The following CSMD1 variants were observed in gnomAD, a reference collection of about 807,000 sequenced individuals.
CSMD1 encodes the protein CUB and Sushi multiple domains 1, also known as CUB and sushi domain-containing protein 1.
Under a neutral mutation model 417.5 loss-of-function variants are expected in CSMD1, and 213 were observed. The observed-to-expected ratio is 0.51, with a 90% confidence interval of 0.46 to 0.57. The LOEUF is 0.57. Among genes scored for constraint, CSMD1 ranks in the 20% least tolerant of loss-of-function variants. CSMD1 has a pLI of 0.00. For synonymous variants in CSMD1, 2,862 were observed against 1,736.8 expected (o/e 1.65, Z -16.11); for missense variants, 6,923 against 4,529.7 (o/e 1.53, Z -15.17).
At chr8:4,776,078 T>C (rs1445304978) in intron 1 of CSMD1, among the ~76,000 whole-genome samples, 3 of 151,968 alleles carry the variant, frequency 2.0e-5, no homozygotes, top group African/African-American at 7.3e-5. Context: ...TGTTTGGATC[T>C]CAGATTTGAA....
chr8:4,684,640 G>A (rs753179921), intron 1 of CSMD1, among the ~76,000 whole-genome samples: 30 of 152,148 alleles, frequency 2.0e-4, no homozygotes, highest in Admixed American at 1.3e-3. Flanking sequence ...TTAATTGAAT[G>A]TAAGGATTAT....
At chr8:3,287,726 T>C (rs1157809710) in intron 25 of CSMD1, among the ~76,000 whole-genome samples, 1 of 152,186 alleles carries the variant, frequency 6.6e-6, no homozygotes, top group Non-Finnish European at 1.5e-5. Context: ...GTTTTCTCCA[T>C]ATACAATCAC....
intron 1 of CSMD1, among the ~76,000 whole-genome samples, chr8:4,850,610 T>G (rs995113585): frequency 2.0e-5 from 3 of 151,978 alleles, no homozygotes; most frequent in African/African-American, 7.3e-5. Context: ...CCTCATCACT[T>G]AGTCTCTTTC....
chr8:4,760,226 T>C (rs985842966), intron 1 of CSMD1, among the ~76,000 whole-genome samples: 1 of 152,212 alleles, frequency 6.6e-6, no homozygotes, highest in Non-Finnish European at 1.5e-5. Flanking sequence ...TCTATTGTTA[T>C]ATGCACTATT....
intron 4 of CSMD1, among the ~76,000 whole-genome samples, chr8:4,015,175 T>C (rs1210213992): frequency 6.6e-6 from 1 of 152,234 alleles, no homozygotes; most frequent in Admixed American, 6.5e-5. Flanking sequence ...AACTGTCCCA[T>C]TCAGTCTTAC....
chr8:4,594,311 C>T (rs1178766038), intron 2 of CSMD1, among the ~76,000 whole-genome samples: 2 of 144,668 alleles, frequency 1.4e-5, no homozygotes, highest in Non-Finnish European at 3.0e-5. Flanking sequence ...TAAAGCGATT[C>T]TCCTGTCTTA....
intron 25 of CSMD1, among the ~76,000 whole-genome samples, chr8:3,288,231 C>G (rs180688770): frequency 2.0e-5 from 3 of 147,108 alleles, no homozygotes; most frequent in Non-Finnish European, 1.5e-5. Flanking sequence ...ATTTTTGCAT[C>G]GATGTTCATC....
chr8:3,788,852 A>G (rs1799581819), intron 5 of CSMD1, among the ~76,000 whole-genome samples: 1 of 152,228 alleles, frequency 6.6e-6, no homozygotes. Context: ...ATTCTGGGGT[A>G]GAAATTATGA....
At chr8:4,044,560 G>C (rs778522472) in intron 3 of CSMD1, among the ~76,000 whole-genome samples, 2 of 152,152 alleles carry the variant, frequency 1.3e-5, no homozygotes, top group African/African-American at 4.8e-5. Context: ...ATTCTACCAC[G>C]GCAGAGCTCG....
At chr8:3,911,013 T>G (rs936396370) in intron 5 of CSMD1, among the ~76,000 whole-genome samples, 1 of 152,182 alleles carries the variant, frequency 6.6e-6, no homozygotes, top group Non-Finnish European at 1.5e-5. Flanking sequence ...TCCTACTTAT[T>G]CAGGGGCTGC....
At chr8:3,046,410 G>A (rs77604486) in intron 50 of CSMD1, among the ~76,000 whole-genome samples, 2,114 of 152,272 alleles carry the variant, frequency 0.014, 17 homozygotes, top group South Asian at 0.029. Context: ...AATGTCCTAA[G>A]GCTCCAAACC....
At chr8:4,003,435 T>C (rs996433390) in intron 4 of CSMD1, among the ~76,000 whole-genome samples, 1 of 150,736 alleles carries the variant, frequency 6.6e-6, no homozygotes, top group Non-Finnish European at 1.5e-5. Flanking sequence ...AATAAATAAA[T>C]AAATAGATAA....
intron 5 of CSMD1, among the ~76,000 whole-genome samples, chr8:3,916,460 A>G (rs2948651): frequency 6.6e-6 from 1 of 152,154 alleles, no homozygotes; most frequent in East Asian, 1.9e-4. Flanking sequence ...GACATTACTT[A>G]TACATAAAGG....
At chr8:4,535,178 T>A (rs1797043194) in intron 2 of CSMD1, among the ~76,000 whole-genome samples, 1 of 152,322 alleles carries the variant, frequency 6.6e-6, no homozygotes, top group African/African-American at 2.4e-5. Context: ...ATAATCTATA[T>A]AAGGTATATA....
chr8:2,974,370 T>C lies in CSMD1; in HGVS notation c.8740+81A>G. On this transcript the variant is annotated intron_variant, in intron 56 of 69. Coordinates refer to ENST00000635120, the MANE Select transcript of CSMD1 (RefSeq NM_033225.6). The stretch of plus-strand genomic sequence containing the variant: ...AATTATAGGGCTTTTCAAATAACTG[T>C]AAATCATCATTATTTGAAATCACTA... 3 of 1,294,646 alleles carry C rather than the reference T, an allele frequency of 2.3e-6. No homozygotes were observed. The Admixed American group carries it at 8.2e-5, about 35-fold the overall frequency. 80.2% of individuals were successfully genotyped at this position (1,294,646 alleles called of 1,614,324 possible).
At chr8:4,712,606 C>G (rs1346433908) in intron 1 of CSMD1, among the ~76,000 whole-genome samples, 2 of 152,162 alleles carry the variant, frequency 1.3e-5, no homozygotes, top group African/African-American at 4.8e-5. Context: ...TATTTAAGAT[C>G]TAGGATTTGT....
intron 2 of CSMD1, among the ~76,000 whole-genome samples, chr8:4,438,022 A>G (rs926024254): frequency 9.9e-5 from 15 of 152,188 alleles, no homozygotes; most frequent in African/African-American, 3.6e-4. Flanking sequence ...AAAAGGGGGC[A>G]TGGAATACTT....
intron 49 of CSMD1, among the ~76,000 whole-genome samples, chr8:3,084,410 T>C (rs1809290): frequency 0.25 from 37,394 of 150,872 alleles, 4,984 homozygotes; most frequent in East Asian, 0.35. Flanking sequence ...GTAATCCCAG[T>C]TACTTGGGAG....
chr8:2,999,446 G>A (rs894709322), intron 53 of CSMD1, among the ~76,000 whole-genome samples: 28 of 151,998 alleles, frequency 1.8e-4, no homozygotes, highest in African/African-American at 6.5e-4. Context: ...GAGCCACCAC[G>A]CCTGGCCAAT....
Sources: allele counts gnomAD v4.1 joint callset (sites outside exome capture counted in the v4.1 genomes callset), GRCh38; gene constraint gnomAD v4.1.1; transcripts MANE v1.5; gene names NCBI Gene and HGNC (gene_info 2026-07-23, HGNC 2026-07-21).